The following FHDC1 variants were observed in gnomAD, a reference collection of about 807,000 sequenced individuals.
The protein encoded by FHDC1 is FH2 domain-containing protein 1.
In FHDC1, 25 loss-of-function variants were observed where a neutral mutation model predicts 52.6. That is an observed-to-expected ratio of 0.48 (90% confidence interval 0.35 to 0.66). FHDC1 has a LOEUF of 0.66. Among genes scored for constraint, FHDC1 ranks in the 30% least tolerant of loss-of-function variants. The pLI, the probability that FHDC1 is intolerant of heterozygous loss-of-function variation, is 0.01. For synonymous variants in FHDC1, 616 were observed against 581.5 expected (o/e 1.06, Z -0.85); for missense variants, 1,459 against 1,452.8 (o/e 1.00, Z -0.07).
intron 4 of FHDC1, among the ~76,000 whole-genome samples, chr4:152,957,970 C>G (rs191718697): frequency 6.6e-6 from 1 of 152,180 alleles, no homozygotes; most frequent in Non-Finnish European, 1.5e-5. Flanking sequence ...TGGTGCTAGA[C>G]GTGGTAGAAA....
chr4:152,960,900 T>A lies in FHDC1; in HGVS notation c.850+56T>A, dbSNP rs1225765736. 3 of 1,352,676 alleles carry A rather than the reference T, an allele frequency of 2.2e-6. No homozygotes were observed. The African/African-American group carries it at 4.4e-5, about 20-fold the overall frequency. The allele number at this position is 1,352,676 out of a possible 1,614,324, so 83.8% of individuals were successfully genotyped here. ...TGTTTTTATTAATTTCGATAGCAGT[T>A]TTTTAAAAAAGCCAAATGAAATTGG... On this transcript the variant is annotated intron_variant, in intron 6 of 11. Transcript: ENST00000511601.
intron 6 of FHDC1, among the ~76,000 whole-genome samples, chr4:152,962,284 T>C (rs1274093164): frequency 6.6e-6 from 1 of 152,252 alleles, no homozygotes; most frequent in African/African-American, 2.4e-5. Flanking sequence ...ATTCCCTGGA[T>C]GCCTGGGCCC....
chr4:152,921,588 C>CCTCCCTT, the FHDC1 span, among the ~76,000 whole-genome samples: 183 of 113,498 alleles, frequency 1.6e-3, 5 homozygotes, highest in South Asian at 0.028. Context: ...CTTCCTTCCT[C>CCTCCCTT]CCTCCCTCCC....
At chr4:152,974,318 A>G (rs1041970019) in intron 11 of FHDC1, among the ~76,000 whole-genome samples, 1 of 152,152 alleles carries the variant, frequency 6.6e-6, no homozygotes, top group Admixed American at 6.5e-5. Flanking sequence ...TTGAGGTCGC[A>G]TGCTTATGTG....
At chr4:152,928,208 A>C in the FHDC1 span, 1 of 761,974 alleles carries the variant, frequency 1.3e-6, no homozygotes, top group Non-Finnish European at 2.4e-6. Flanking sequence ...TGAGGCCCCT[A>C]GTTTCTCTGT....
Position 152,978,646 on chromosome 4 carries a change from ACT to A in FHDC1, c.*1924_*1925del, listed in dbSNP as rs1484937873. ...ATTCTTGGAATTTTTTTTTTAAGAA[ACT>A]TTTTTGTGTTTTTTTTAATTTTAGG... On this transcript the variant is annotated 3_prime_UTR_variant, in exon 12 of 12. Transcript: ENST00000511601. 4 of 152,106 alleles carry A rather than the reference ACT, an allele frequency of 2.6e-5. No individual in the cohort carries two copies. Among genetic ancestry groups the A allele is most frequent in the Non-Finnish European group, 5.9e-5 (4 of 68,032 alleles). 9.4% of individuals were successfully genotyped at this position (152,106 alleles called of 1,614,324 possible).
At chr4:152,934,791 C>G (rs1739319324), upstream of FHDC1, among the ~76,000 whole-genome samples, 2 of 152,164 alleles carry the variant, frequency 1.3e-5, no homozygotes, top group South Asian at 4.1e-4. Context: ...CCAGACTTGA[C>G]TTCTCAAAAA....
intron 11 of FHDC1, 111 bp downstream of exon 11, chr4:152,972,652 G>T: frequency 7.9e-7 from 1 of 1,272,452 alleles, no homozygotes; most frequent in Non-Finnish European, 1.1e-6. Context: ...CACGGTTTCG[G>T]GGACATCTGG....
At chr4:152,947,627 A>G (rs150190902) in intron 2 of FHDC1, among the ~76,000 whole-genome samples, 1 of 152,340 alleles carries the variant, frequency 6.6e-6, no homozygotes, top group Admixed American at 6.5e-5. Flanking sequence ...ACTGAACTGG[A>G]CAGAACTGAA....
At chr4:152,945,221 G>T (rs568018170) in intron 2 of FHDC1, among the ~76,000 whole-genome samples, 36 of 152,186 alleles carry the variant, frequency 2.4e-4, no homozygotes, top group South Asian at 1.7e-3. Context: ...AAGTGGCAGG[G>T]GTGTGGCATC....
At chr4:152,971,398 A>G (rs1224576619) in intron 10 of FHDC1, among the ~76,000 whole-genome samples, 1 of 152,100 alleles carries the variant, frequency 6.6e-6, no homozygotes, top group Non-Finnish European at 1.5e-5. Flanking sequence ...GTTCATTCTC[A>G]TGGGCTGTGG....
chr4:152,977,911 C>T lies in FHDC1; in HGVS notation c.*1188C>T, dbSNP rs1407271319. 2 of 152,242 alleles carry T rather than the reference C, an allele frequency of 1.3e-5. No individual in the cohort carries two copies. Among genetic ancestry groups the T allele is most frequent in the African/African-American group, 4.8e-5 (2 of 41,460 alleles). The allele number at this position is 152,242 out of a possible 1,614,324, so 9.4% of individuals were successfully genotyped here. A position where few individuals can be genotyped will look rare whatever the true frequency, so the allele number is the denominator to read the frequency against. On this transcript the variant is annotated 3_prime_UTR_variant, in exon 12 of 12. Transcript: ENST00000511601. ...CTCCCTGAAGATTGTCTGGCTTGCC[C>T]ACTTCTCCGTGCATGACTCTGGGTG...
chr4:152,972,637 A>G, intron 11 of FHDC1, 96 bp downstream of exon 11: 1 of 1,382,206 alleles, frequency 7.2e-7, no homozygotes, highest in Non-Finnish European at 9.7e-7. Context: ...GGCACTTTGC[A>G]TCTCCACGGT....
In FHDC1 at chr4:152,963,073, A is replaced by G; in HGVS notation, c.972A>G (p.Lys324=). ...AVGFKLSSLL[K]LADTKANKPG... ...GATTTAAACTGTCTTCTTTGCTCAA[A>G]TTGGCAGACACAAAAGCAAACAAAC... Residue 324 remains lysine (K), a synonymous_variant, in exon 8 of 12, where the codon AAA becomes AAG. Coordinates refer to ENST00000511601, the MANE Select transcript of FHDC1 (RefSeq NM_001371116.1). The G allele has an allele frequency of 3.1e-6, 5 of 1,613,910 alleles. No individual in the cohort carries two copies. The highest frequency in any genetic ancestry group is 4.2e-6 in the Non-Finnish European group (5 of 1,180,010).
Position 152,975,144 on chromosome 4 carries a change from A to T in FHDC1, c.1853A>T (p.Gln618Leu), listed in dbSNP as rs528529583. 6.2e-7 allele frequency: 1 copy of T among 1,612,898 alleles called. No individual in the cohort carries two copies. Among genetic ancestry groups the T allele is most frequent in the African/African-American group, 1.3e-5 (1 of 75,044 alleles). The change falls in exon 12 of 12, where the codon CAG becomes CTG. Residue 618 changes from glutamine to leucine, a missense_variant. Gln to Leu is a moderately radical substitution (Grantham distance 113). Transcript: ENST00000511601. Reference sequence around the variant, plus strand: ...GAGGCCCCCAACCCACCCTCAGCACAGGCGCACCAGCTTGCAGCCGCCCAG... The same window carrying T: ...GAGGCCCCCAACCCACCCTCAGCACTGGCGCACCAGCTTGCAGCCGCCCAG... ...QEEAPNPPSA[Q>L]AHQLAAAQPE...
upstream of FHDC1, among the ~76,000 whole-genome samples, chr4:152,934,493 C>T (rs1416974692): frequency 1.3e-5 from 2 of 152,194 alleles, no homozygotes; most frequent in Non-Finnish European, 1.5e-5. Context: ...TCCCTGGGCC[C>T]TTCCAAGGAT....
chr4:152,913,495 ATAAAAG>A, the FHDC1 span, among the ~76,000 whole-genome samples: 2 of 152,350 alleles, frequency 1.3e-5, no homozygotes, highest in East Asian at 1.9e-4. Context: ...GTTTTGAAAA[ATAAAAG>A]TAAATTATCT....
At chr4:152,913,062 C>T in the FHDC1 span, among the ~76,000 whole-genome samples, 7 of 152,128 alleles carry the variant, frequency 4.6e-5, no homozygotes, top group Non-Finnish European at 1.0e-4. Flanking sequence ...TAGCCAACCC[C>T]CATCTCCAAA....
chr4:152,946,022 G>A (rs1212731408), intron 2 of FHDC1, among the ~76,000 whole-genome samples: 8 of 152,104 alleles, frequency 5.3e-5, no homozygotes, highest in Admixed American at 2.6e-4. Flanking sequence ...TTCACTTAGC[G>A]TAATGTCCTC....
Sources: gnomAD v4.1 joint callset for allele counts (sites outside exome capture counted in the v4.1 genomes callset) on GRCh38, gnomAD v4.1.1 for gene constraint, MANE v1.5 for transcripts, NCBI Gene and HGNC (gene_info 2026-07-23, HGNC 2026-07-21) for gene names.